Variants in DACH2 observed in about 807,000 individuals in gnomAD.
DACH2 encodes the protein dachshund family transcription factor 2.
DACH2 carries 17 observed loss-of-function variants against 35.8 expected under a neutral mutation model. That is an observed-to-expected ratio of 0.48 (90% CI 0.33 to 0.71). The LOEUF (loss-of-function observed/expected upper bound fraction) is 0.71, where lower values mean the gene tolerates loss of function less well. Ranked by LOEUF, DACH2 falls within the 30% of genes least tolerant of loss-of-function variation. The pLI is 0.02. For missense variants in DACH2, 469 were observed against 472.7 expected, an observed-to-expected ratio of 0.99 and a Z score of 0.07; for synonymous variants, 195 against 177.3, an observed-to-expected ratio of 1.10 and a Z score of -0.79.
At chrX:86,542,567 A>T (rs1465744770) in intron 3 of DACH2, among the ~76,000 whole-genome samples, 1 of 111,477 alleles carries the variant, frequency 9.0e-6, no homozygotes, top group Non-Finnish European at 1.9e-5. Context: ...TGCCCCTTGA[A>T]CATCCTGGCC....
At chrX:86,394,368 A>G (rs754375001) in intron 2 of DACH2, among the ~76,000 whole-genome samples, 9 of 111,511 alleles carry the variant, frequency 8.1e-5, no homozygotes, top group Non-Finnish European at 1.5e-4. Flanking sequence ...CTTCCAATTT[A>G]TATTCAGTAT....
chrX:86,405,950 C>A (rs1393238892), intron 2 of DACH2, among the ~76,000 whole-genome samples: 1 of 110,845 alleles, frequency 9.0e-6, no homozygotes, highest in Non-Finnish European at 1.9e-5. Context: ...GGGTGGGGAA[C>A]CCCCTTATGA....
intron 6 of DACH2, 138 bp from the exon 7 acceptor site, chrX:86,739,609 A>G (rs2041632303): frequency 5.3e-6 from 3 of 569,890 alleles, no homozygotes; most frequent in Non-Finnish European, 7.8e-6. Context: ...GTTTAAATAT[A>G]TGTATTTAAG....
At chrX:86,779,898 C>T (rs1442570654) in intron 7 of DACH2, among the ~76,000 whole-genome samples, 1 of 111,511 alleles carries the variant, frequency 9.0e-6, no homozygotes, top group Non-Finnish European at 1.9e-5. Context: ...GCCACTGCCC[C>T]AATAAAGCAC....
intron 1 of DACH2, among the ~76,000 whole-genome samples, chrX:86,327,226 T>G (rs867060006): frequency 8.9e-6 from 1 of 112,259 alleles, no homozygotes; most frequent in Non-Finnish European, 1.9e-5. Context: ...GTTGTCACTA[T>G]GAAATATTGG....
intron 2 of DACH2, among the ~76,000 whole-genome samples, chrX:86,395,105 G>A (rs1451761281): frequency 9.0e-6 from 1 of 111,418 alleles, no homozygotes; most frequent in Non-Finnish European, 1.9e-5. Flanking sequence ...TGTAAAAAGG[G>A]CAGTATCATA....
rs1035839354 is a variant in DACH2 at position 86,579,935 on chromosome X, T to C, written c.640+65544T>C. On this transcript the variant is annotated intron_variant, in intron 3 of 11. Transcript: ENST00000373125. ...ACATGCAAGTGAGCACAGATTATAC[T>C]GCAGTGACTTTGATGAAGTGCTTTG... Among the ~76,000 whole-genome samples, 4 of 112,020 alleles carry C rather than the reference T, an allele frequency of 3.6e-5. No individual in the cohort carries two copies. In the South Asian group the frequency reaches 1.1e-3, roughly 31 times the overall value.
chrX:86,549,093 T>A (rs1032511628), intron 3 of DACH2, among the ~76,000 whole-genome samples: 1 of 111,514 alleles, frequency 9.0e-6, no homozygotes, highest in African/African-American at 3.3e-5. Flanking sequence ...CAAAACTAGA[T>A]GGTATTTGCA....
intron 3 of DACH2, among the ~76,000 whole-genome samples, chrX:86,610,143 T>C (rs903610899): frequency 1.8e-5 from 2 of 111,519 alleles, no homozygotes; most frequent in Non-Finnish European, 3.8e-5. Context: ...GAAGTCTATC[T>C]GATGTTCTGT....
At chrX:86,827,833 T>G in intron 11 of DACH2, 1 of 1,115,888 alleles carries the variant, frequency 9.0e-7, no homozygotes, top group Non-Finnish European at 1.2e-6. Context: ...AGTTACCTGC[T>G]TATCTAGTGT....
At chrX:86,747,609 T>C (rs978670123) in intron 7 of DACH2, among the ~76,000 whole-genome samples, 5 of 112,092 alleles carry the variant, frequency 4.5e-5, no homozygotes, top group Admixed American at 3.8e-4. Context: ...ATACCTTAAT[T>C]TGAAAATACT....
At chrX:86,762,085 C>T (rs2041889225) in intron 7 of DACH2, among the ~76,000 whole-genome samples, 1 of 111,232 alleles carries the variant, frequency 9.0e-6, no homozygotes, top group South Asian at 3.8e-4. Flanking sequence ...CATCTTGAAG[C>T]CTTTCAAGAA....
At chrX:86,495,192 C>A in intron 2 of DACH2, among the ~76,000 whole-genome samples, 1 of 109,793 alleles carries the variant, frequency 9.1e-6, no homozygotes, top group African/African-American at 3.3e-5. Flanking sequence ...AGACTACGAG[C>A]GCCTGCTACC....
intron 1 of DACH2, among the ~76,000 whole-genome samples, chrX:86,223,051 A>G (rs1177152317): frequency 1.8e-5 from 2 of 112,045 alleles, no homozygotes; most frequent in South Asian, 3.7e-4. Flanking sequence ...CTCAAAAACC[A>G]AAAAACCAAA....
intron 1 of DACH2, among the ~76,000 whole-genome samples, chrX:86,316,136 G>T (rs6623650): frequency 5.7e-4 from 20 of 34,795 alleles, no homozygotes; most frequent in East Asian, 1.0e-3. Context: ...TTTGTATTTT[G>T]TTTTTTGCTT....
At chrX:86,520,862 C>A (rs1268206606) in intron 3 of DACH2, among the ~76,000 whole-genome samples, 1 of 111,352 alleles carries the variant, frequency 9.0e-6, no homozygotes, top group African/African-American at 3.3e-5. Context: ...CATCTTGCCA[C>A]TATGTGCCTT....
rs540953581 is a variant in DACH2 at position 86,327,403 on chromosome X, A to C, written c.489-49421A>C. 3.5e-4 allele frequency among the ~76,000 whole-genome samples: 39 copies of C among 112,220 alleles called. 1 individual carries two copies. The East Asian group carries it at 8.3e-3, about 24-fold the overall frequency. On this transcript the variant is annotated intron_variant, in intron 1 of 11. Coordinates refer to ENST00000373125, the MANE Select transcript of DACH2 (RefSeq NM_053281.3). ...GGCCAGTCTTTCTCCTTAAGCTTTA[A>C]GAAATTTTTAGAGAAAAAGAAATGT...
intron 3 of DACH2, among the ~76,000 whole-genome samples, chrX:86,627,198 A>G (rs1220717545): frequency 9.0e-6 from 1 of 111,389 alleles, no homozygotes; most frequent in Non-Finnish European, 1.9e-5. Context: ...GATACCCTAA[A>G]TCATCTATTT....
chrX:86,601,368 G>A (rs2039787204), intron 3 of DACH2, among the ~76,000 whole-genome samples: 1 of 111,725 alleles, frequency 9.0e-6, no homozygotes, highest in South Asian at 3.7e-4. Context: ...TTACAGTAAA[G>A]AAAAATGCTG....
Sources: allele counts gnomAD v4.1 joint callset (sites outside exome capture counted in the v4.1 genomes callset), GRCh38; gene constraint gnomAD v4.1.1; transcripts MANE v1.5; gene names NCBI Gene and HGNC (gene_info 2026-07-23, HGNC 2026-07-21).